The following FAM178B variants were observed in gnomAD, a reference collection of about 807,000 sequenced individuals.
FAM178B encodes family with sequence similarity 178 member B.
Under a neutral mutation model 91.7 loss-of-function variants are expected in FAM178B, and 82 were observed. That is an observed-to-expected ratio of 0.89 (90% CI 0.75 to 1.07). FAM178B has a LOEUF of 1.07. Ranked by LOEUF, FAM178B falls within the 50% of genes least tolerant of loss-of-function variation. The pLI is 0.00. For synonymous variants in FAM178B, 368 were observed against 359.4 expected (o/e 1.02, Z -0.27); for missense variants, 769 against 846.7 (o/e 0.91, Z 1.14).
intron 12 of FAM178B, among the ~76,000 whole-genome samples, chr2:96,909,867 G>A (rs1040401816): frequency 6.6e-6 from 1 of 152,152 alleles, no homozygotes; most frequent in African/African-American, 2.4e-5. Flanking sequence ...CACTGGGCCT[G>A]CCCTGGCCAA....
chr2:96,883,687 C>T (rs770303316), intron 14 of FAM178B, among the ~76,000 whole-genome samples: 2 of 152,174 alleles, frequency 1.3e-5, no homozygotes, highest in Admixed American at 6.5e-5. Context: ...CCAAAGGGCA[C>T]GGCTCTCCCA....
At chr2:96,930,231 A>ATC (rs1373912659) in intron 8 of FAM178B, among the ~76,000 whole-genome samples, 1 of 150,680 alleles carries the variant, frequency 6.6e-6, no homozygotes, top group Non-Finnish European at 1.5e-5. Context: ...AAAAAAAAAA[A>ATC]AAAAAAAAAA....
intron 4 of FAM178B, 118 bp downstream of exon 4, chr2:96,970,598 G>T: frequency 2.7e-6 from 2 of 749,344 alleles, no homozygotes; most frequent in Non-Finnish European, 4.6e-6. Flanking sequence ...AGCACACAGG[G>T]CAGGCTGAGT....
At position 96,910,823 on chromosome 2, in the gene FAM178B, G is replaced by A. The variant is rs1475884319; in HGVS notation, c.1563-8116C>T. On this transcript the variant is annotated intron_variant, in intron 12 of 16. Coordinates refer to ENST00000490605, the MANE Select transcript of FAM178B (RefSeq NM_001122646.3). ...TTTTTTTTTTTTTTTTTTTGAGACA[G>A]TCTTGCTCTGTCGCCCAGGCTGGAG... 2.8e-5 allele frequency among the ~76,000 whole-genome samples: 4 copies of A among 143,942 alleles called. No individual in the cohort carries two copies. In the Admixed American group the frequency reaches 2.8e-4, roughly 10 times the overall value. The allele number at this position is 143,942 out of a possible 152,430, so 94.4% of individuals were successfully genotyped here. A position where few individuals can be genotyped will look rare whatever the true frequency, so the allele number is the denominator to read the frequency against.
chr2:96,977,689 C>A (rs1021978671), intron 1 of FAM178B: 9 of 377,960 alleles, frequency 2.4e-5, no homozygotes, highest in Non-Finnish European at 4.2e-5. Flanking sequence ...AAAGGCTGCA[C>A]GCAATGGGGG....
At chr2:96,892,702 C>T (rs891371864) in intron 14 of FAM178B, among the ~76,000 whole-genome samples, 9 of 152,268 alleles carry the variant, frequency 5.9e-5, no homozygotes, top group East Asian at 3.9e-4. Flanking sequence ...CCACACTCTC[C>T]GCTTAGCCAG....
At chr2:96,985,878 C>T (rs1263513881) in intron 1 of FAM178B, among the ~76,000 whole-genome samples, 3 of 152,202 alleles carry the variant, frequency 2.0e-5, no homozygotes, top group Admixed American at 6.5e-5. Flanking sequence ...TCAAACCGGG[C>T]AGGGGCTGGG....
chr2:96,929,096 C>T lies in FAM178B; in HGVS notation c.1193+110G>A, dbSNP rs543345215. The T allele has an allele frequency of 4.0e-4, 311 of 768,788 alleles. 3 individuals carry two copies. Among genetic ancestry groups the T allele is most frequent in the South Asian group, 2.3e-3 (144 of 61,658 alleles). The allele number at this position is 768,788 out of a possible 1,614,324, so 47.6% of individuals were successfully genotyped here. ...TCACTTGAGCCTGGGAGGTGGAGGC[C>T]GCAGTGAGCTATGATTATACCCCTG... is the stretch of plus-strand genomic sequence containing the variant. On this transcript the variant is annotated intron_variant, in intron 9 of 16. Transcript: ENST00000490605.
At chr2:96,956,539 TC>T (rs574922245) in intron 6 of FAM178B, among the ~76,000 whole-genome samples, 311 of 152,324 alleles carry the variant, frequency 2.0e-3, no homozygotes, top group African/African-American at 7.3e-3. Context: ...AAAGATATTT[TC>T]CCCCTTTCAC....
At chr2:96,963,182 C>T (rs568959488) in intron 5 of FAM178B, among the ~76,000 whole-genome samples, 7 of 152,258 alleles carry the variant, frequency 4.6e-5, no homozygotes, top group Middle Eastern at 3.4e-3. Flanking sequence ...CCATGACTTC[C>T]GGAATGCTGG....
intron 1 of FAM178B, 139 bp from the exon 2 acceptor site, chr2:96,972,745 C>A: frequency 3.0e-6 from 2 of 673,844 alleles, no homozygotes; most frequent in Non-Finnish European, 5.1e-6. Context: ...TCTGATCCCA[C>A]CAAGGTCAAG....
chr2:96,894,905 ACACT>A (rs1371279256), intron 13 of FAM178B, among the ~76,000 whole-genome samples: 1 of 102,912 alleles, frequency 9.7e-6, no homozygotes, highest in Admixed American at 1.1e-4. Flanking sequence ...ACCCTCACCC[ACACT>A]CACCCACACC....
chr2:96,909,353 C>CCTTCTGGGA (rs2081112355), intron 12 of FAM178B, among the ~76,000 whole-genome samples: 2 of 152,068 alleles, frequency 1.3e-5, no homozygotes, highest in Non-Finnish European at 2.9e-5. Flanking sequence ...CAAAACCTGC[C>CCTTCTGGGA]CTTCTGGGAC....
At chr2:96,970,122 G>A (rs1288281705) in intron 4 of FAM178B, among the ~76,000 whole-genome samples, 1 of 152,198 alleles carries the variant, frequency 6.6e-6, no homozygotes, top group Admixed American at 6.5e-5. Flanking sequence ...TCTGTCCCCA[G>A]CCACCTGCAC....
intron 7 of FAM178B, among the ~76,000 whole-genome samples, chr2:96,948,982 C>T (rs543684354): frequency 4.6e-5 from 7 of 152,292 alleles, no homozygotes; most frequent in Admixed American, 1.3e-4. Flanking sequence ...GCCCTCCGGT[C>T]GGCATCTAGA....
At chr2:96,885,249 G>A (rs1397580192) in intron 14 of FAM178B, among the ~76,000 whole-genome samples, 1 of 152,276 alleles carries the variant, frequency 6.6e-6, no homozygotes, top group Non-Finnish European at 1.5e-5. Context: ...TTTGGGCCCT[G>A]CTGGGTAGAG....
intron 1 of FAM178B, among the ~76,000 whole-genome samples, chr2:96,982,690 T>G (rs886487819): frequency 4.0e-5 from 6 of 150,148 alleles, no homozygotes; most frequent in African/African-American, 1.5e-4. Flanking sequence ...TGCCTCAACC[T>G]CCTGAGTAGC....
At chr2:96,969,861 G>A (rs1220299000) in intron 4 of FAM178B, among the ~76,000 whole-genome samples, 1 of 152,240 alleles carries the variant, frequency 6.6e-6, no homozygotes, top group Non-Finnish European at 1.5e-5. Flanking sequence ...CCCAGTGCAT[G>A]AGGAGCTCTC....
chr2:96,968,305 C>T (rs966695342), intron 4 of FAM178B, among the ~76,000 whole-genome samples: 11 of 151,992 alleles, frequency 7.2e-5, no homozygotes, highest in South Asian at 2.1e-4. Flanking sequence ...CCAGCCCCTG[C>T]GCGCCTCACT....
Sources: gnomAD v4.1 joint callset for allele counts (sites outside exome capture counted in the v4.1 genomes callset) on GRCh38, gnomAD v4.1.1 for gene constraint, MANE v1.5 for transcripts, NCBI Gene and HGNC (gene_info 2026-07-23, HGNC 2026-07-21) for gene names.